LRFN2: variants seen among roughly 807,000 people sequenced by gnomAD.
LRFN2 encodes leucine-rich repeat and fibronectin type-III domain-containing protein 2.
A neutral mutation model predicts 37.3 loss-of-function variants in LRFN2; 18 were observed. The observed-to-expected ratio is 0.48, with a 90% CI of 0.33 to 0.72. LRFN2 has a LOEUF of 0.72. Ranked by LOEUF, LRFN2 falls within the 30% of genes least tolerant of loss-of-function variation. LRFN2 has a pLI of 0.02. For missense variants in LRFN2, 1,006 were observed against 1,060.7 expected, an observed-to-expected ratio of 0.95 and a Z score of 0.72; for synonymous variants, 556 against 466.6, an observed-to-expected ratio of 1.19 and a Z score of -2.47.
intron 2 of LRFN2, among the ~76,000 whole-genome samples, chr6:40,421,664 C>T (rs1163992969): frequency 1.3e-5 from 2 of 151,998 alleles, no homozygotes; most frequent in African/African-American, 4.8e-5. Context: ...TCAGTAATTC[C>T]AAAAGAGAGG....
intron 1 of LRFN2, among the ~76,000 whole-genome samples, chr6:40,454,555 A>G (rs996013709): frequency 2.0e-5 from 3 of 152,122 alleles, no homozygotes; most frequent in Non-Finnish European, 2.9e-5. Context: ...TGTACCCTCA[A>G]ATCATTTGTG....
Position 40,518,309 on chromosome 6 carries a change from T to C in LRFN2, c.-19+68632A>G, listed in dbSNP as rs116278880. Among the ~76,000 whole-genome samples, 724 of 152,338 alleles carry C rather than the reference T, an allele frequency of 4.8e-3. 4 individuals are homozygous for C. Among genetic ancestry groups the C allele is most frequent in the Admixed American group, 7.8e-3 (119 of 15,308 alleles). On this transcript the variant is annotated intron_variant, in intron 1 of 2. Coordinates refer to ENST00000338305, the MANE Select transcript of LRFN2 (RefSeq NM_020737.3). Reference sequence around the variant, plus strand: ...CTCTCCAGCTGGTGACCAATAAATATTTGTTCAATGAGTTCTTCCAACACC... The same window carrying C: ...CTCTCCAGCTGGTGACCAATAAATACTTGTTCAATGAGTTCTTCCAACACC...
chr6:40,510,167 T>A (rs1003790985), intron 1 of LRFN2, among the ~76,000 whole-genome samples: 16 of 151,024 alleles, frequency 1.1e-4, no homozygotes, highest in Admixed American at 5.9e-4. Context: ...GTAGGAGGGG[T>A]GGGTGCATGC....
chr6:40,391,989 C>G lies in LRFN2; in HGVS notation c.2324G>C (p.Arg775Pro). ...PFEESDLVGA[R>P]GTFGSSEWVM... is the part of the protein sequence containing the mutation. ...CCATTCGGAGCTGCCAAAAGTCCCC[C>G]GGGCCCCCACCAGGTCACTCTCCTC... is the stretch of plus-strand genomic sequence containing the variant. Residue 775 changes from arginine to proline, a missense_variant, in exon 3 of 3, where the codon CGG (arginine) becomes CCG (proline). Transcript: ENST00000338305. The G allele has an allele frequency of 6.2e-7, 1 of 1,602,918 alleles. No homozygotes were observed. Among genetic ancestry groups the G allele is most frequent in the Admixed American group, 1.7e-5 (1 of 58,920 alleles).
chr6:40,569,527 A>G (rs1357226901), intron 1 of LRFN2, among the ~76,000 whole-genome samples: 1 of 152,164 alleles, frequency 6.6e-6, no homozygotes, highest in African/African-American at 2.4e-5. Context: ...GCCCAGAGTG[A>G]CACCCGTTTG....
intron 2 of LRFN2, among the ~76,000 whole-genome samples, chr6:40,416,444 G>C (rs1763094645): frequency 6.6e-6 from 1 of 152,200 alleles, no homozygotes; most frequent in Non-Finnish European, 1.5e-5. Flanking sequence ...TGGGAGGAGT[G>C]GTGGGCACCA....
intron 2 of LRFN2, among the ~76,000 whole-genome samples, chr6:40,421,104 G>C (rs1763218762): frequency 6.6e-6 from 1 of 152,218 alleles, no homozygotes; most frequent in South Asian, 2.1e-4. Context: ...TCCCCAGGTA[G>C]AGAATGTGAG....
At chr6:40,582,534 T>C (rs1767422943) in intron 1 of LRFN2, among the ~76,000 whole-genome samples, 1 of 151,938 alleles carries the variant, frequency 6.6e-6, no homozygotes, top group Non-Finnish European at 1.5e-5. Context: ...TTCCAGTCTG[T>C]TCCTCAGGTT....
intron 1 of LRFN2, among the ~76,000 whole-genome samples, chr6:40,453,840 T>C (rs1764175151): frequency 1.3e-5 from 2 of 152,308 alleles, no homozygotes; most frequent in South Asian, 4.1e-4. Context: ...CTTTCGGATG[T>C]GCCAAAGCTC....
At chr6:40,453,258 G>A (rs920226738) in intron 1 of LRFN2, among the ~76,000 whole-genome samples, 1 of 152,164 alleles carries the variant, frequency 6.6e-6, no homozygotes, top group African/African-American at 2.4e-5. Flanking sequence ...ATTGGAGAGT[G>A]AAGATGTGGC....
Position 40,399,466 on chromosome 6 carries a change from C to T in LRFN2, c.1401-6554G>A, listed in dbSNP as rs766072443. 6.5e-4 allele frequency among the ~76,000 whole-genome samples: 85 copies of T among 130,430 alleles called. 1 individual carries two copies. The highest frequency in any genetic ancestry group is 1.0e-3 in the Non-Finnish European group (63 of 63,110). The allele number at this position is 130,430 out of a possible 152,430, so 85.6% of individuals were successfully genotyped here. A position where few individuals can be genotyped will look rare whatever the true frequency, so the allele number is the denominator to read the frequency against. ...TTTTTTTTTTTTTGAGACACAGTCT[C>T]ACTCTGTAGCCCAAGCTGAAGTACA... On this transcript the variant is annotated intron_variant, in intron 2 of 2. Coordinates refer to ENST00000338305, the MANE Select transcript of LRFN2 (RefSeq NM_020737.3).
chr6:40,490,895 C>T (rs1383463144), intron 1 of LRFN2, among the ~76,000 whole-genome samples: 1 of 152,320 alleles, frequency 6.6e-6, no homozygotes, highest in African/African-American at 2.4e-5. Flanking sequence ...GACTTCTCTT[C>T]AAGCTTTGAG....
intron 1 of LRFN2, among the ~76,000 whole-genome samples, chr6:40,456,332 C>A (rs1764234147): frequency 6.6e-6 from 1 of 152,192 alleles, no homozygotes; most frequent in Non-Finnish European, 1.5e-5. Context: ...AAGAAGGAGG[C>A]AGATAACTGC....
At chr6:40,492,866 A>G (rs187023057) in intron 1 of LRFN2, among the ~76,000 whole-genome samples, 16 of 152,276 alleles carry the variant, frequency 1.1e-4, no homozygotes, top group African/African-American at 3.6e-4. Flanking sequence ...CAGCAGAAGG[A>G]AAAAGAAATT....
intron 1 of LRFN2, among the ~76,000 whole-genome samples, chr6:40,572,086 G>A (rs535361598): frequency 7.2e-5 from 11 of 152,360 alleles, no homozygotes; most frequent in African/African-American, 2.2e-4. Flanking sequence ...TGCTAACAGC[G>A]TGATGGTTGA....
intron 1 of LRFN2, among the ~76,000 whole-genome samples, chr6:40,531,716 GT>G (rs1017300766): frequency 6.6e-6 from 1 of 152,006 alleles, no homozygotes; most frequent in Non-Finnish European, 1.5e-5. Flanking sequence ...TTATACAATA[GT>G]TTTTTTAATC....
At chr6:40,401,989 C>T (rs543009823) in intron 2 of LRFN2, among the ~76,000 whole-genome samples, 2 of 152,312 alleles carry the variant, frequency 1.3e-5, no homozygotes, top group East Asian at 3.9e-4. Context: ...GCCACCCTCT[C>T]TAGTTAGCCT....
chr6:40,546,002 G>A (rs965512236), intron 1 of LRFN2, among the ~76,000 whole-genome samples: 3 of 152,192 alleles, frequency 2.0e-5, no homozygotes, highest in Admixed American at 6.5e-5. Context: ...AGCGCTGGCA[G>A]TCAACTAACC....
intron 1 of LRFN2, among the ~76,000 whole-genome samples, chr6:40,501,049 A>G (rs1311044374): frequency 6.6e-6 from 1 of 151,824 alleles, no homozygotes; most frequent in Non-Finnish European, 1.5e-5. Flanking sequence ...ATTTTAAAAT[A>G]ATTTTTAACA....
Sources: allele counts gnomAD v4.1 joint callset (sites outside exome capture counted in the v4.1 genomes callset), GRCh38; gene constraint gnomAD v4.1.1; transcripts MANE v1.5; gene names NCBI Gene and HGNC (gene_info 2026-07-23, HGNC 2026-07-21).